The following ANO3 variants were observed in gnomAD, a reference collection of about 807,000 sequenced individuals.
ANO3 encodes the protein anoctamin 3, also known as anoctamin-3.
A neutral mutation model predicts 144.8 loss-of-function variants in ANO3; 99 were observed. The ratio of observed to expected loss-of-function variants is 0.68; its 90% CI spans 0.58 to 0.81. The LOEUF (loss-of-function observed/expected upper bound fraction) is 0.81, where lower values mean the gene tolerates loss of function less well. Ranked by LOEUF, ANO3 falls within the 30% of genes least tolerant of loss-of-function variation. The pLI, the probability that ANO3 is intolerant of heterozygous loss-of-function variation, is 0.00. For missense variants in ANO3, 905 were observed against 1,202.2 expected, an observed-to-expected ratio of 0.75 and a Z score of 3.66; for synonymous variants, 414 against 392.6, an observed-to-expected ratio of 1.05 and a Z score of -0.64.
intron 1 of ANO3, among the ~76,000 whole-genome samples, chr11:26,294,876 T>G (rs1359136852): frequency 6.6e-6 from 1 of 152,120 alleles, no homozygotes; most frequent in Non-Finnish European, 1.5e-5. Flanking sequence ...TTTCCTTTTT[T>G]TTCTTCTTTT....
intron 1 of ANO3, among the ~76,000 whole-genome samples, chr11:26,293,159 A>G (rs1186056966): frequency 1.3e-5 from 2 of 152,214 alleles, no homozygotes; most frequent in East Asian, 3.9e-4. Context: ...TTGAAAAGGT[A>G]AATTTTTCTT....
intron 4 of ANO3, among the ~76,000 whole-genome samples, chr11:26,474,453 C>A (rs1408585052): frequency 2.6e-5 from 4 of 151,530 alleles, no homozygotes; most frequent in African/African-American, 9.7e-5. Flanking sequence ...AATATATTTA[C>A]CTTTAAAATA....
intron 1 of ANO3, among the ~76,000 whole-genome samples, chr11:26,217,771 TTTTAAA>T (rs1852063187): frequency 6.6e-6 from 1 of 151,978 alleles, no homozygotes; most frequent in East Asian, 1.9e-4. Context: ...AATTTAAACA[TTTTAAA>T]TTTAAACATG....
upstream of ANO3, chr11:26,331,994 T>C (rs1318635103): frequency 5.0e-6 from 4 of 804,718 alleles, no homozygotes; most frequent in Non-Finnish European, 7.4e-6. Context: ...CCAACCCCGC[T>C]CAACGCCCAC....
chr11:26,344,054 G>C (rs1295178307), intron 1 of ANO3, among the ~76,000 whole-genome samples: 1 of 152,092 alleles, frequency 6.6e-6, no homozygotes, highest in Non-Finnish European at 1.5e-5. Context: ...AGAATAATAG[G>C]ATTTAAATTC....
At chr11:26,606,458 C>G (rs1851939071) in intron 17 of ANO3, among the ~76,000 whole-genome samples, 1 of 152,186 alleles carries the variant, frequency 6.6e-6, no homozygotes, top group African/African-American at 2.4e-5. Context: ...TGGTCCAGAG[C>G]TGAGTTCAAG....
chr11:26,221,197 G>GTAC (rs1190284609), intron 1 of ANO3, among the ~76,000 whole-genome samples: 1 of 152,200 alleles, frequency 6.6e-6, no homozygotes, highest in Non-Finnish European at 1.5e-5. Context: ...ATTTTGTCAT[G>GTAC]TGTAGCTGTG....
At chr11:26,388,372 GT>G (rs1856789566) in intron 1 of ANO3, among the ~76,000 whole-genome samples, 1 of 151,922 alleles carries the variant, frequency 6.6e-6, no homozygotes, top group African/African-American at 2.4e-5. Flanking sequence ...TAACAAAAAT[GT>G]TGTGTATGCT....
At chr11:26,610,539 TTGTC>T (rs1852070646) in intron 17 of ANO3, among the ~76,000 whole-genome samples, 1 of 152,110 alleles carries the variant, frequency 6.6e-6, no homozygotes, top group Non-Finnish European at 1.5e-5. Flanking sequence ...GTGGTCTCAT[TTGTC>T]TATTTTTCAT....
intron 1 of ANO3, among the ~76,000 whole-genome samples, chr11:26,196,082 T>G (rs1015353554): frequency 1.2e-4 from 18 of 152,302 alleles, no homozygotes; most frequent in South Asian, 4.1e-4. Flanking sequence ...AAGAGATACA[T>G]ATTGAATCTG....
At chr11:26,351,838 A>C (rs970204260) in intron 1 of ANO3, among the ~76,000 whole-genome samples, 1 of 152,222 alleles carries the variant, frequency 6.6e-6, no homozygotes, top group Non-Finnish European at 1.5e-5. Context: ...TGTTAGGCTA[A>C]ATTTAATTTA....
rs1858537066 is a variant in ANO3, at chr11:26,441,974, A to C, written c.103A>C (p.Arg35=). Residue 35 remains arginine (R), a synonymous_variant, in exon 2 of 27, where the codon AGA becomes CGA. Transcript: ENST00000256737. ...AGAAACTTCGTTAAAACCGTCTCGG[A>C]GATCCCTGCCTTGCCTCGCCCAGAG... ...TKETSLKPSR[R]SLPCLAQSYA... The C allele has an allele frequency of 1.2e-6, 2 of 1,614,162 alleles. No homozygotes were observed. The highest frequency in any genetic ancestry group is 2.7e-5 in the African/African-American group (2 of 75,060).
intron 1 of ANO3, among the ~76,000 whole-genome samples, chr11:26,212,841 C>A (rs963977335): frequency 3.3e-5 from 5 of 152,000 alleles, no homozygotes; most frequent in African/African-American, 1.2e-4. Flanking sequence ...ATGTAAATTT[C>A]AGGCCAATAT....
chr11:26,312,226 T>G (rs943838366), intron 1 of ANO3, among the ~76,000 whole-genome samples: 3 of 152,240 alleles, frequency 2.0e-5, no homozygotes, highest in African/African-American at 4.8e-5. Context: ...TGCCACATTT[T>G]CTTAATCCAG....
chr11:26,387,617 T>G (rs1466059246), intron 1 of ANO3, among the ~76,000 whole-genome samples: 1 of 152,188 alleles, frequency 6.6e-6, no homozygotes, highest in Non-Finnish European at 1.5e-5. Flanking sequence ...TATGTTATTT[T>G]TCCAATATCT....
chr11:26,431,340 A>G (rs10767530), intron 1 of ANO3, among the ~76,000 whole-genome samples: 49,909 of 152,144 alleles, frequency 0.33, 9,515 homozygotes, highest in African/African-American at 0.54. Context: ...TGGTTATATT[A>G]CATGATGCTG....
intron 16 of ANO3, 34 bp from the exon 17 acceptor site, chr11:26,599,516 A>G (rs777419453): frequency 6.3e-7 from 1 of 1,594,674 alleles, no homozygotes; most frequent in Non-Finnish European, 8.6e-7. Context: ...ATGATGTAAA[A>G]TATGGATGTT....
At chr11:26,577,787 C>G (rs1851028476) in intron 14 of ANO3, among the ~76,000 whole-genome samples, 1 of 152,050 alleles carries the variant, frequency 6.6e-6, no homozygotes, top group Admixed American at 6.6e-5. Flanking sequence ...CAAACTGAAA[C>G]AAGAGCTAGA....
At chr11:26,370,896 A>G (rs1477706423) in intron 1 of ANO3, among the ~76,000 whole-genome samples, 1 of 152,178 alleles carries the variant, frequency 6.6e-6, no homozygotes, top group African/African-American at 2.4e-5. Context: ...GAAGAAGCAG[A>G]GCATAAAAGT....
Sources: allele counts gnomAD v4.1 joint callset (sites outside exome capture counted in the v4.1 genomes callset), GRCh38; gene constraint gnomAD v4.1.1; transcripts MANE v1.5; gene names NCBI Gene and HGNC (gene_info 2026-07-23, HGNC 2026-07-21).